Variants in EFCAB14 observed in about 807,000 individuals in gnomAD.
EFCAB14 encodes the protein EF-hand calcium binding domain 14.
A neutral mutation model predicts 56.5 loss-of-function variants in EFCAB14; 43 were observed. That is an observed-to-expected ratio of 0.76 (90% confidence interval 0.60 to 0.98). The LOEUF (loss-of-function observed/expected upper bound fraction) is 0.98, where lower values mean the gene tolerates loss of function less well. EFCAB14 is among the 50% of genes least tolerant of loss of function. EFCAB14 has a pLI of 0.00. For synonymous variants in EFCAB14, 235 were observed against 212.9 expected (o/e 1.10, Z -0.90); for missense variants, 538 against 580.3 (o/e 0.93, Z 0.75).
intron 4 of EFCAB14, chr1:46,692,193 T>C (rs1014075061): frequency 5.1e-4 from 163 of 321,954 alleles, no homozygotes; most frequent in Non-Finnish European, 1.4e-4. Flanking sequence ...CTTCATTTTC[T>C]AGATTTTATA....
At chr1:46,715,906 T>C (rs1310680224) in intron 2 of EFCAB14, among the ~76,000 whole-genome samples, 1 of 151,950 alleles carries the variant, frequency 6.6e-6, no homozygotes, top group Admixed American at 6.6e-5. Context: ...TTCAGCAGGG[T>C]TGACTTTGTC....
At chr1:46,705,802 G>C (rs1677225150) in intron 3 of EFCAB14, among the ~76,000 whole-genome samples, 2 of 151,942 alleles carry the variant, frequency 1.3e-5, no homozygotes, top group South Asian at 4.1e-4. Context: ...GATGTGTTTT[G>C]GTCTTTATCT....
intron 7 of EFCAB14, 31 bp downstream of exon 7, chr1:46,688,322 T>C (rs749502439): frequency 6.2e-7 from 1 of 1,602,536 alleles, no homozygotes; most frequent in Non-Finnish European, 8.5e-7. Context: ...CAAAACACAC[T>C]GCATGTCACA....
intron 7 of EFCAB14, among the ~76,000 whole-genome samples, chr1:46,687,586 T>C (rs1287519588): frequency 1.3e-5 from 2 of 152,198 alleles, no homozygotes; most frequent in Non-Finnish European, 2.9e-5. Flanking sequence ...TATGGCACAA[T>C]TTCCTGTATT....
chr1:46,693,536 T>C (rs1677031764), intron 4 of EFCAB14, among the ~76,000 whole-genome samples: 3 of 152,142 alleles, frequency 2.0e-5, no homozygotes, highest in Admixed American at 2.0e-4. Context: ...TTGCTATCTA[T>C]GTAAGCTCTG....
intron 3 of EFCAB14, among the ~76,000 whole-genome samples, chr1:46,703,658 A>T (rs1412454703): frequency 6.6e-6 from 1 of 152,176 alleles, no homozygotes; most frequent in African/African-American, 2.4e-5. Flanking sequence ...ATTTTTGAAC[A>T]TGGAAATCAC....
At chr1:46,683,233 G>A in intron 10 of EFCAB14, 67 bp downstream of exon 10, 2 of 1,539,796 alleles carry the variant, frequency 1.3e-6, no homozygotes, top group Non-Finnish European at 8.8e-7. Flanking sequence ...TTTGACAAGT[G>A]AAAATAAACA....
rs1206043662 is a variant in EFCAB14, at chr1:46,678,534, C to A, written c.1415G>T (p.Ser472Ile). ...TCCATCGGAATCAAATGCTCTCAAG[C>A]TCTCTGGTTCTGGCATAGCAGAACC... is the stretch of plus-strand genomic sequence containing the variant. ...SLGSAMPEPE[S>I]LRAFDSDGDG... is the part of the protein sequence containing the mutation. Residue 472 changes from serine to isoleucine, a missense_variant, in exon 11 of 11, where the codon AGC becomes ATC. Transcript: ENST00000371933. 4.3e-6 allele frequency: 7 copies of A among 1,614,170 alleles called. No homozygotes were observed. Among genetic ancestry groups the A allele is most frequent in the Non-Finnish European group, 5.9e-6 (7 of 1,180,028 alleles).
In EFCAB14 at chr1:46,716,206, G is replaced by A. The variant is rs570989931; in HGVS notation, c.334+89C>T. 1,625 of 1,377,052 alleles carry A rather than the reference G, an allele frequency of 1.2e-3. 2 individuals carry two copies. Among genetic ancestry groups the A allele is most frequent in the Non-Finnish European group, 1.4e-3 (1,487 of 1,048,752 alleles). 85.3% of individuals were successfully genotyped at this position (1,377,052 alleles called of 1,614,324 possible). The stretch of plus-strand genomic sequence containing the variant: ...GGATGTTGCAGTGAGCCGAGATTGC[G>A]CCACTGTACTCCAGCCTAGGCGACA... On this transcript the variant is annotated intron_variant, in intron 2 of 10. Coordinates refer to ENST00000371933, the MANE Select transcript of EFCAB14 (RefSeq NM_014774.3).
At chr1:46,717,744 T>G (rs1203354848) in intron 1 of EFCAB14, among the ~76,000 whole-genome samples, 159 bp downstream of exon 1, 3 of 152,220 alleles carry the variant, frequency 2.0e-5, no homozygotes, top group Admixed American at 2.0e-4. Context: ...ATTCAGGATC[T>G]GAACTTACCT....
intron 10 of EFCAB14, among the ~76,000 whole-genome samples, chr1:46,681,104 G>A (rs369302004): frequency 1.3e-5 from 2 of 151,916 alleles, no homozygotes; most frequent in African/African-American, 4.8e-5. Flanking sequence ...ATTACAGGGT[G>A]TGCGCTACCA....
chr1:46,709,439 G>A (rs1289559684), intron 2 of EFCAB14, among the ~76,000 whole-genome samples: 1 of 152,012 alleles, frequency 6.6e-6, no homozygotes, highest in Non-Finnish European at 1.5e-5. Context: ...CAGGACACTC[G>A]GACCACTGCA....
At chr1:46,688,991 AATT>A (rs947764429) in intron 6 of EFCAB14, among the ~76,000 whole-genome samples, 1 of 152,202 alleles carries the variant, frequency 6.6e-6, no homozygotes, top group African/African-American at 2.4e-5. Context: ...TATAAGATTC[AATT>A]ATTTTTACTG....
chr1:46,707,024 C>T (rs1361531089), intron 3 of EFCAB14, among the ~76,000 whole-genome samples: 2 of 152,214 alleles, frequency 1.3e-5, no homozygotes, highest in East Asian at 3.8e-4. Context: ...ACTCCTGGAC[C>T]ATTGCTGAAA....
At chr1:46,698,097 C>T (rs995276136) in intron 3 of EFCAB14, among the ~76,000 whole-genome samples, 1 of 152,150 alleles carries the variant, frequency 6.6e-6, no homozygotes, top group Non-Finnish European at 1.5e-5. Flanking sequence ...AAGTGATCCA[C>T]CTGCCTTGGT....
At chr1:46,713,524 A>C (rs1677340604) in intron 2 of EFCAB14, among the ~76,000 whole-genome samples, 1 of 152,222 alleles carries the variant, frequency 6.6e-6, no homozygotes. Context: ...TTTAAAATGT[A>C]GTACTTTATT....
At chr1:46,715,998 G>A (rs1266393657) in intron 2 of EFCAB14, among the ~76,000 whole-genome samples, 1 of 151,628 alleles carries the variant, frequency 6.6e-6, no homozygotes, top group African/African-American at 2.4e-5. Context: ...CTGTAATCCT[G>A]GCACTTTGGG....
At chr1:46,702,342 T>C (rs1227460501) in intron 3 of EFCAB14, among the ~76,000 whole-genome samples, 6 of 152,226 alleles carry the variant, frequency 3.9e-5, no homozygotes. Flanking sequence ...TTATTAGTCC[T>C]AGCAGGGACT....
chr1:46,715,186 T>C (rs971843451), intron 2 of EFCAB14, among the ~76,000 whole-genome samples: 2 of 152,232 alleles, frequency 1.3e-5, no homozygotes, highest in Admixed American at 6.5e-5. Context: ...CTGTTTCTTC[T>C]ACTAAACTTC....
Sources: gnomAD v4.1 joint callset for allele counts (sites outside exome capture counted in the v4.1 genomes callset) on GRCh38, gnomAD v4.1.1 for gene constraint, MANE v1.5 for transcripts, NCBI Gene and HGNC (gene_info 2026-07-23, HGNC 2026-07-21) for gene names.